The following MAFG variants were observed in gnomAD, a reference collection of about 807,000 sequenced individuals.
The protein encoded by MAFG is transcription factor MafG.
MAFG carries 3 observed loss-of-function variants against 12.2 expected under a neutral mutation model. The ratio of observed to expected loss-of-function variants is 0.25; its 90% CI spans 0.11 to 0.64. The LOEUF (loss-of-function observed/expected upper bound fraction) is 0.64, where lower values mean the gene tolerates loss of function less well. MAFG is among the 30% of genes least tolerant of loss of function. MAFG has a pLI of 0.85. For missense variants in MAFG, 153 were observed against 235.5 expected (o/e 0.65, Z 2.29); for synonymous variants, 126 against 109.1 (o/e 1.15, Z -0.96).
chr17:81,923,550 G>A (rs2040916800), intron 1 of MAFG: 1 of 211,006 alleles, frequency 4.7e-6, no homozygotes, highest in African/African-American at 2.3e-5. Context: ...AGGCCTAGAA[G>A]GAAGCCGGGA....
Position 81,921,158 on chromosome 17 carries a change from C to T in MAFG, c.*1447G>A, listed in dbSNP as rs1309429152. ...ACCCCGCCACTAGATCAGCCCAAGC[C>T]CTAGACACAGATGTAGCCAAGGCTC... On this transcript the variant is annotated 3_prime_UTR_variant, in exon 3 of 3. Coordinates refer to ENST00000357736, the MANE Select transcript of MAFG (RefSeq NM_002359.4). The T allele has an allele frequency of 6.6e-6, 1 of 152,302 alleles. No individual in the cohort carries two copies. Among genetic ancestry groups the T allele is most frequent in the African/African-American group, 2.4e-5 (1 of 41,424 alleles). The allele number at this position is 152,302 out of a possible 1,614,324, so 9.4% of individuals were successfully genotyped here. A position where few individuals can be genotyped will look rare whatever the true frequency, so the allele number is the denominator to read the frequency against.
At chr17:81,930,499 A>AG (rs1247154592), upstream of MAFG, 1 of 148,384 alleles carries the variant, frequency 6.7e-6, no homozygotes, top group East Asian at 1.9e-4. This position sits in a 1 kb window ranked among gnomAD's most constrained non-coding sequence, Gnocchi z 4.1. Context: ...TATCGCTACA[A>AG]GAAAAAAAAA....
chr17:81,927,398 G>A (rs1286104231), intron 1 of MAFG, 130 bp downstream of exon 1: 1 of 151,500 alleles, frequency 6.6e-6, no homozygotes, highest in Non-Finnish European at 1.5e-5. Context: ...CGAAACCAGC[G>A]GCCCCCGCCG....
At chr17:81,931,243 C>T (rs891912668), upstream of MAFG, among the ~76,000 whole-genome samples, 5 of 152,346 alleles carry the variant, frequency 3.3e-5, no homozygotes, top group East Asian at 1.9e-4. Flanking sequence ...TCCTCTGGAG[C>T]CCAAGACCAG....
chr17:81,925,069 C>A (rs780522289), intron 1 of MAFG, among the ~76,000 whole-genome samples: 1 of 152,232 alleles, frequency 6.6e-6, no homozygotes, highest in Non-Finnish European at 1.5e-5. Flanking sequence ...GCGTTCCAGG[C>A]TCCTGGCCTG....
upstream of MAFG, chr17:81,930,456 A>C (rs139382525): frequency 4.7e-5 from 7 of 150,028 alleles, no homozygotes; most frequent in African/African-American, 1.7e-4. The surrounding 1 kb of genome is among the most constrained non-coding windows in gnomAD (Gnocchi z 4.1). Flanking sequence ...TGAGCCCGGG[A>C]GTTTGAGACC....
At chr17:81,923,264 C>CCCCG in intron 1 of MAFG, 50 bp from the exon 2 acceptor site, 2 of 605,738 alleles carry the variant, frequency 3.3e-6, no homozygotes, top group South Asian at 7.1e-5. Flanking sequence ...CTCGCCGCAC[C>CCCCG]CCCCCCCCCC....
rs1038168888 is a variant in MAFG at position 81,926,948 on chromosome 17, C to T, written c.-30+580G>A. ...ATCCCCTCCGGTATCAGCTTGAGCA[C>T]CGAGTGACCTCACGCTGATGACTCA... is the stretch of plus-strand genomic sequence containing the variant. On this transcript the variant is annotated intron_variant, in intron 1 of 2. Coordinates refer to ENST00000357736, the MANE Select transcript of MAFG (RefSeq NM_002359.4). The surrounding 1 kb of genome is among the most constrained non-coding windows in gnomAD (Gnocchi z 4.6). 6.6e-6 allele frequency among the ~76,000 whole-genome samples: 1 copy of T among 152,132 alleles called. No homozygotes were observed. Among genetic ancestry groups the T allele is most frequent in the African/African-American group, 2.4e-5 (1 of 41,440 alleles).
At chr17:81,923,895 C>A (rs1465160742) in intron 1 of MAFG, among the ~76,000 whole-genome samples, 1 of 152,236 alleles carries the variant, frequency 6.6e-6, no homozygotes, top group Non-Finnish European at 1.5e-5. Flanking sequence ...AGCCTCCTAA[C>A]TTTGAAAAGC....
chr17:81,926,227 C>T lies in MAFG; in HGVS notation c.-30+1301G>A, dbSNP rs1248322579. On this transcript the variant is annotated intron_variant, in intron 1 of 2. Transcript: ENST00000357736. This position sits in a 1 kb window ranked among gnomAD's most constrained non-coding sequence, Gnocchi z 4.6. The stretch of plus-strand genomic sequence containing the variant: ...GCCAGACACCCAACAGGGCCACTCC[C>T]TTTGCTAACTTCACACAACGCTGAG... Among the ~76,000 whole-genome samples, 2 of 152,292 alleles carry T rather than the reference C, an allele frequency of 1.3e-5. No individual in the cohort carries two copies. The highest frequency in any genetic ancestry group is 4.8e-5 in the African/African-American group (2 of 41,560).
chr17:81,921,679 ATTTTTTTTCTTTTTTTTTCTTTT>A lies in MAFG; in HGVS notation c.*903_*925del, dbSNP rs980297611. 2.7e-5 allele frequency: 4 copies of A among 148,734 alleles called. No homozygotes were observed. The highest frequency in any genetic ancestry group is 5.9e-5 in the Non-Finnish European group (4 of 67,258). The allele number at this position is 148,734 out of a possible 1,614,324, so 9.2% of individuals were successfully genotyped here. On this transcript the variant is annotated 3_prime_UTR_variant, in exon 3 of 3. Coordinates refer to ENST00000357736, the MANE Select transcript of MAFG (RefSeq NM_002359.4). ...GTGTCCGTAAGTTTACAAGAAAGGGATTTTTTTTCTTTTTTTTTCTTTTTTTTTTAACTAGCAAAGTTTCTATT... is the reference window on the plus strand; with the variant it reads ...GTGTCCGTAAGTTTACAAGAAAGGGATTTTTTAACTAGCAAAGTTTCTATT...
At chr17:81,925,645 A>T (rs532076790) in intron 1 of MAFG, among the ~76,000 whole-genome samples, 34 of 152,038 alleles carry the variant, frequency 2.2e-4, no homozygotes, top group African/African-American at 7.5e-4. Flanking sequence ...CGTCTCTACT[A>T]AAAATACAAA....
Position 81,922,954 on chromosome 17 carries a change from T to A in MAFG, c.140A>T (p.Glu47Val). ...GCGCTGCTTCAGCTGGACGATCTCC[T>A]CCTTGGACAGGCCCCGCAGGTGCTG... ...LNQHLRGLSKEEIVQLKQRRR... is the reference protein window; with the variant it reads ...LNQHLRGLSKVEIVQLKQRRR... Residue 47 changes from glutamate (E) to valine (V), a missense_variant, in exon 3 of 3, where the codon GAG becomes GTG. Coordinates refer to ENST00000357736, the MANE Select transcript of MAFG (RefSeq NM_002359.4). 6.2e-7 allele frequency: 1 copy of A among 1,602,764 alleles called. No homozygotes were observed. The highest frequency in any genetic ancestry group is 1.1e-5 in the South Asian group (1 of 89,342).
rs553089365 is a variant in MAFG, at chr17:81,922,779, G to A, written c.315C>T (p.Asp105=). 23 of 1,599,930 alleles carry A rather than the reference G, an allele frequency of 1.4e-5. No homozygotes were observed. Among genetic ancestry groups the A allele is most frequent in the East Asian group, 4.5e-5 (2 of 44,290 alleles). ...SENASMKLEL[D]ALRSKYEALQ... ...GCGCCTCGTACTTGGAGCGCAGCGC[G>A]TCGAGCTCCAGCTTCATGCTGGCGT... Residue 105 remains aspartate, a synonymous_variant, in exon 3 of 3, where the codon GAC becomes GAT. Transcript: ENST00000357736.
rs2143821675 is a variant in MAFG at position 81,924,510 on chromosome 17, A to T, written c.-29-1296T>A. 1 of 152,430 alleles carries T rather than the reference A, an allele frequency of 6.6e-6. No individual in the cohort carries two copies. The highest frequency in any genetic ancestry group is 1.9e-4 in the East Asian group (1 of 5,184). 9.4% of individuals were successfully genotyped at this position (152,430 alleles called of 1,614,324 possible). On this transcript the variant is annotated intron_variant, in intron 1 of 2. Transcript: ENST00000357736. This position sits in a 1 kb window ranked among gnomAD's most constrained non-coding sequence, Gnocchi z 4.7. ...GGGGGCTTCTTACTCTCATCAGGGGAGCTGAAGTGTGGCCAGGCGGATGCA... is the reference window on the plus strand; with the variant it reads ...GGGGGCTTCTTACTCTCATCAGGGGTGCTGAAGTGTGGCCAGGCGGATGCA...
intron 1 of MAFG, among the ~76,000 whole-genome samples, chr17:81,925,271 G>A (rs921347408): frequency 6.6e-6 from 1 of 152,200 alleles, no homozygotes; most frequent in African/African-American, 2.4e-5. Context: ...AACCTGCGAG[G>A]GTACCTAGGC....
rs780846067 is a variant in MAFG, at chr17:81,922,619, C to G, written c.475G>C (p.Asp159His). The change falls in exon 3 of 3, where the codon GAT becomes CAT. Residue 159 changes from aspartate to histidine, a missense_variant. This residue lies in a region of MAFG where 81 missense variants were observed against 94.7 expected (regional missense o/e 0.86). Coordinates refer to ENST00000357736, the MANE Select transcript of MAFG (RefSeq NM_002359.4). ...GACGCGCGTCCCTACGATCGGGCATCCGTCTTGGACTTTACTATTGTGATG... is the reference window on the plus strand; with the variant it reads ...GACGCGCGTCCCTACGATCGGGCATGCGTCTTGGACTTTACTATTGTGATG... ...SVITIVKSKT[D>H]ARS 1.4e-6 allele frequency: 2 copies of G among 1,469,368 alleles called. No homozygotes were observed. Among genetic ancestry groups the G allele is most frequent in the African/African-American group, 2.9e-5 (2 of 68,460 alleles). The allele number at this position is 1,469,368 out of a possible 1,614,324, so 91.0% of individuals were successfully genotyped here. A position where few individuals can be genotyped will look rare whatever the true frequency, so the allele number is the denominator to read the frequency against.
intron 1 of MAFG, among the ~76,000 whole-genome samples, chr17:81,925,908 AACATCTGGAATCTAT>A (rs1391288963): frequency 6.6e-6 from 1 of 150,660 alleles, no homozygotes; most frequent in African/African-American, 2.4e-5. Flanking sequence ...AAAACATTGA[AACATCTGGAATCTAT>A]AAGCCCCGGG....
chr17:81,922,560 G>A lies in MAFG; in HGVS notation c.*45C>T. The A allele has an allele frequency of 1.2e-5, 17 of 1,374,710 alleles. No homozygotes were observed. Among genetic ancestry groups the A allele is most frequent in the Non-Finnish European group, 1.6e-5 (17 of 1,050,046 alleles). 85.2% of individuals were successfully genotyped at this position (1,374,710 alleles called of 1,614,324 possible). On this transcript the variant is annotated 3_prime_UTR_variant, in exon 3 of 3. Transcript: ENST00000357736. ...GGGACAGGGCAGCCAAATTCGCCAT[G>A]TGCCTAGTGGCCCCGCAAAGACCCG...
Sources: gnomAD v4.1 joint callset for allele counts (sites outside exome capture counted in the v4.1 genomes callset) on GRCh38, gnomAD v4.1.1 for gene constraint, gnomAD v4.1.1 regional missense constraint, Gnocchi (gnomAD v3.1) non-coding constraint, MANE v1.5 for transcripts, NCBI Gene and HGNC (gene_info 2026-07-23, HGNC 2026-07-21) for gene names.